RAB3B: variants seen among roughly 807,000 people sequenced by gnomAD.
RAB3B encodes RAB3B, member RAS oncogene family.
RAB3B carries 11 observed loss-of-function variants against 20.5 expected under a neutral mutation model. The ratio of observed to expected loss-of-function variants is 0.54; its 90% CI spans 0.34 to 0.89. RAB3B has a LOEUF of 0.89. Among genes scored for constraint, RAB3B ranks in the 40% least tolerant of loss-of-function variants. The probability of loss-of-function intolerance (pLI) is 0.02; values close to 1 mark genes in which losing one functional copy is unlikely to be tolerated. For synonymous variants in RAB3B, 99 were observed against 106.3 expected (o/e 0.93, Z 0.42); for missense variants, 225 against 280.9 (o/e 0.80, Z 1.42).
At chr1:51,928,126 G>A (rs556180893) in intron 4 of RAB3B, among the ~76,000 whole-genome samples, 3 of 151,652 alleles carry the variant, frequency 2.0e-5, no homozygotes, top group African/African-American at 7.3e-5. Context: ...TCTTTTTTTA[G>A]ATGGAGTTTT....
chr1:51,956,519 CCTTCAG>C (rs1455465105), intron 2 of RAB3B, among the ~76,000 whole-genome samples: 1 of 152,182 alleles, frequency 6.6e-6, no homozygotes, highest in Non-Finnish European at 1.5e-5. Context: ...AATTTCACTG[CCTTCAG>C]CTCTTGCCAC....
At chr1:51,946,060 T>A (rs918076309) in intron 2 of RAB3B, among the ~76,000 whole-genome samples, 3 of 152,204 alleles carry the variant, frequency 2.0e-5, no homozygotes, top group Non-Finnish European at 4.4e-5. Context: ...TTTAAATTAA[T>A]TTTTTTAAGT....
At chr1:51,922,165 A>G (rs1184880896) in intron 4 of RAB3B, among the ~76,000 whole-genome samples, 1 of 152,166 alleles carries the variant, frequency 6.6e-6, no homozygotes, top group Middle Eastern at 3.2e-3. Context: ...GTTTTTCCTT[A>G]ATGAACGTCA....
chr1:51,953,545 T>A (rs1244023580), intron 2 of RAB3B, among the ~76,000 whole-genome samples: 1 of 152,252 alleles, frequency 6.6e-6, no homozygotes, highest in African/African-American at 2.4e-5. Flanking sequence ...GGCTTGCTCC[T>A]GTAATCCCAG....
At position 51,957,796 on chromosome 1, in the gene RAB3B, G is replaced by A. The variant is rs552064653; in HGVS notation, c.228+19094C>T. On this transcript the variant is annotated intron_variant, in intron 2 of 4. Coordinates refer to ENST00000371655, the MANE Select transcript of RAB3B (RefSeq NM_002867.4). Reference sequence around the variant, plus strand: ...GGAGGAGCCCAAGAAAGCAGGGCTAGGAACCACCTGAGCAAACTTCCGCTG... The same window carrying A: ...GGAGGAGCCCAAGAAAGCAGGGCTAAGAACCACCTGAGCAAACTTCCGCTG... Among the ~76,000 whole-genome samples the A allele has an allele frequency of 5.9e-5, 9 of 152,292 alleles. No individual in the cohort carries two copies. In the South Asian group the frequency reaches 1.9e-3, roughly 32 times the overall value.
intron 2 of RAB3B, among the ~76,000 whole-genome samples, chr1:51,971,405 A>G (rs972663931): frequency 6.6e-6 from 1 of 151,696 alleles, no homozygotes; most frequent in Non-Finnish European, 1.5e-5. Flanking sequence ...AATCCTATAC[A>G]GTATACACTA....
At chr1:51,922,981 G>A (rs1487670834) in intron 4 of RAB3B, among the ~76,000 whole-genome samples, 1 of 152,190 alleles carries the variant, frequency 6.6e-6, no homozygotes, top group Admixed American at 6.6e-5. Context: ...ACAGGCATGA[G>A]CCACAGTGAC....
At chr1:51,962,368 T>C (rs186316360) in intron 2 of RAB3B, among the ~76,000 whole-genome samples, 2 of 152,268 alleles carry the variant, frequency 1.3e-5, no homozygotes, top group South Asian at 4.1e-4. Context: ...GCCACAATTA[T>C]TGATGTGTGA....
In RAB3B at chr1:51,916,420, C is replaced by T. The variant is rs1322975118; in HGVS notation, c.*3507G>A. 1 of 152,196 alleles carries T rather than the reference C, an allele frequency of 6.6e-6. No individual in the cohort carries two copies. The highest frequency in any genetic ancestry group is 1.9e-4 in the East Asian group (1 of 5,202). 9.4% of individuals were successfully genotyped at this position (152,196 alleles called of 1,614,324 possible). On this transcript the variant is annotated 3_prime_UTR_variant, in exon 5 of 5. Transcript: ENST00000371655. ...TATAGATACTAAAATATCCAGGCGT[C>T]ATGAGGACCTTGGTCTGAAATCCTA...
At chr1:51,964,560 G>A (rs1684822914) in intron 2 of RAB3B, among the ~76,000 whole-genome samples, 1 of 151,912 alleles carries the variant, frequency 6.6e-6, no homozygotes, top group Non-Finnish European at 1.5e-5. Flanking sequence ...TATCTAACGG[G>A]TATCTCCAAC....
At chr1:51,922,926 A>C (rs1684191785) in intron 4 of RAB3B, among the ~76,000 whole-genome samples, 1 of 151,904 alleles carries the variant, frequency 6.6e-6, no homozygotes, top group South Asian at 2.1e-4. Flanking sequence ...GGAACTCCCA[A>C]CCTCAGGTGA....
At chr1:51,922,465 G>T (rs954931325) in intron 4 of RAB3B, among the ~76,000 whole-genome samples, 1 of 152,120 alleles carries the variant, frequency 6.6e-6, no homozygotes, top group African/African-American at 2.4e-5. Flanking sequence ...TCTATAGAAT[G>T]AGGCGAATAC....
chr1:51,964,980 T>C (rs1684829081), intron 2 of RAB3B, among the ~76,000 whole-genome samples: 1 of 152,190 alleles, frequency 6.6e-6, no homozygotes, highest in Non-Finnish European at 1.5e-5. Flanking sequence ...ACGCCTGTAA[T>C]CCCAACACTT....
rs1491223921 is a variant in RAB3B at position 51,912,554 on chromosome 1, A to AAAAT, written c.*7372_*7373insATTT. On this transcript the variant is annotated 3_prime_UTR_variant, in exon 5 of 5. Transcript: ENST00000371655. ...AGACCGTCTCTATTAAAAAAAAAAA[A>AAAAT]ATATATATATATATATATATATATA... 122 of 15,480 alleles carry AAAAT rather than the reference A, an allele frequency of 7.9e-3. 1 individual carries two copies. The highest frequency in any genetic ancestry group is 0.014 in the Non-Finnish European group (92 of 6,812). 1.0% of individuals were successfully genotyped at this position (15,480 alleles called of 1,614,324 possible). A position where few individuals can be genotyped will look rare whatever the true frequency, so the allele number is the denominator to read the frequency against.
chr1:51,975,386 AT>A (rs1183813943), intron 2 of RAB3B, among the ~76,000 whole-genome samples: 2 of 152,206 alleles, frequency 1.3e-5, no homozygotes, highest in African/African-American at 4.8e-5. Flanking sequence ...GATACTAATA[AT>A]AATAGTAGCT....
chr1:51,967,515 C>CCTTTTTTTTT (rs1684869592), intron 2 of RAB3B, among the ~76,000 whole-genome samples: 1 of 16,436 alleles, frequency 6.1e-5, no homozygotes, highest in East Asian at 3.5e-3. Context: ...CTTTTCTTTT[C>CCTTTTTTTTT]TTTTTCTTTT....
At chr1:51,961,515 T>C (rs1684783731) in intron 2 of RAB3B, among the ~76,000 whole-genome samples, 1 of 152,272 alleles carries the variant, frequency 6.6e-6, no homozygotes. Flanking sequence ...CCAGATGTGC[T>C]ATTTTCCAGG....
At chr1:51,969,219 C>T (rs1260504047) in intron 2 of RAB3B, among the ~76,000 whole-genome samples, 3 of 152,146 alleles carry the variant, frequency 2.0e-5, no homozygotes, top group Admixed American at 6.5e-5. Flanking sequence ...ATTGCTTAAG[C>T]CCAGGAGGTC....
At chr1:51,959,719 G>GGAATA (rs1293276753) in intron 2 of RAB3B, among the ~76,000 whole-genome samples, 2 of 152,068 alleles carry the variant, frequency 1.3e-5, no homozygotes, top group Non-Finnish European at 2.9e-5. Context: ...TAAGGAAAGT[G>GGAATA]GAATAAACTA....
Sources: gnomAD v4.1 joint callset for allele counts (sites outside exome capture counted in the v4.1 genomes callset) on GRCh38, gnomAD v4.1.1 for gene constraint, MANE v1.5 for transcripts, NCBI Gene and HGNC (gene_info 2026-07-23, HGNC 2026-07-21) for gene names.